PTPN3: variants seen among roughly 807,000 people sequenced by gnomAD.
The protein encoded by PTPN3 is tyrosine-protein phosphatase non-receptor type 3.
In PTPN3, 96 loss-of-function variants were observed where a neutral mutation model predicts 132.7. The ratio of observed to expected loss-of-function variants is 0.72; its 90% CI spans 0.61 to 0.86. PTPN3 has a LOEUF of 0.86. Ranked by LOEUF, PTPN3 falls within the 40% of genes least tolerant of loss-of-function variation. The pLI is 0.00. For synonymous variants in PTPN3, 398 were observed against 429.0 expected, an observed-to-expected ratio of 0.93 and a Z score of 0.89; for missense variants, 1,125 against 1,159.6, an observed-to-expected ratio of 0.97 and a Z score of 0.43.
At chr9:109,475,302 G>A (rs570997033) in intron 1 of PTPN3, among the ~76,000 whole-genome samples, 2 of 152,248 alleles carry the variant, frequency 1.3e-5, no homozygotes, top group South Asian at 4.1e-4. Context: ...ATGTGGTATT[G>A]TTCAAAACTG....
chr9:109,501,071 TA>T (rs1847859236), upstream of PTPN3, among the ~76,000 whole-genome samples: 1 of 152,230 alleles, frequency 6.6e-6, no homozygotes, highest in African/African-American at 2.4e-5. Flanking sequence ...TTTAAAAGTT[TA>T]TTAATGTCAC....
intron 19 of PTPN3, among the ~76,000 whole-genome samples, chr9:109,395,932 CTGCA>C (rs1840564742): frequency 6.8e-6 from 1 of 146,410 alleles, no homozygotes; most frequent in Non-Finnish European, 1.5e-5. Flanking sequence ...TCTCGGCTCA[CTGCA>C]ACCTCCACCT....
intron 8 of PTPN3, 101 bp downstream of exon 8, chr9:109,438,013 T>C: frequency 1.5e-6 from 2 of 1,358,812 alleles, no homozygotes. Context: ...TGAAAGAGGA[T>C]TCATGCACAA....
At chr9:109,513,950 T>C in the PTPN3 span, among the ~76,000 whole-genome samples, 126,121 of 152,048 alleles carry the variant, frequency 0.83, 52,559 homozygotes, top group South Asian at 0.94. Flanking sequence ...AGCTGGGTGT[T>C]CCACATGTAC....
chr9:109,463,552 C>T (rs3808877), intron 1 of PTPN3, 101 bp from the exon 2 acceptor site: 6 of 1,133,542 alleles, frequency 5.3e-6, no homozygotes, highest in Middle Eastern at 2.0e-4. Context: ...TACTGTCTGA[C>T]GGACTCACAG....
chr9:109,533,136 T>TTTTTTC, the PTPN3 span, among the ~76,000 whole-genome samples: 1 of 87,686 alleles, frequency 1.1e-5, no homozygotes, highest in Non-Finnish European at 2.2e-5. Context: ...ATTTTTTTTT[T>TTTTTTC]TTTTTTTTTT....
intron 22 of PTPN3, 88 bp downstream of exon 22, chr9:109,389,145 C>G (rs920020930): frequency 2.6e-6 from 4 of 1,516,920 alleles, no homozygotes; most frequent in Non-Finnish European, 3.6e-6. Context: ...CCAGGAGACG[C>G]TGAAGACCCT....
intron 5 of PTPN3, 31 bp from the exon 6 acceptor site, chr9:109,448,886 C>T (rs760004161): frequency 3.3e-6 from 5 of 1,535,096 alleles, no homozygotes; most frequent in Admixed American, 2.3e-5. Flanking sequence ...TTAATTCATA[C>T]TCAAACTGAA....
the PTPN3 span, among the ~76,000 whole-genome samples, chr9:109,523,127 T>A: frequency 6.6e-6 from 1 of 151,950 alleles, no homozygotes; most frequent in East Asian, 1.9e-4. Flanking sequence ...TTTTTTTTTT[T>A]TTTTAATGAG....
At chr9:109,403,038 A>G (rs1285802919) in intron 19 of PTPN3, among the ~76,000 whole-genome samples, 1 of 152,200 alleles carries the variant, frequency 6.6e-6, no homozygotes, top group Non-Finnish European at 1.5e-5. Context: ...AGATGGCACC[A>G]CTGCACTCCA....
chr9:109,397,955 C>T (rs553930751), intron 19 of PTPN3, among the ~76,000 whole-genome samples: 1 of 152,288 alleles, frequency 6.6e-6, no homozygotes, highest in Admixed American at 6.5e-5. Flanking sequence ...AAACAACAAA[C>T]TATTTGGAAA....
chr9:109,436,492 T>C (rs991017292), intron 9 of PTPN3, among the ~76,000 whole-genome samples: 1 of 152,188 alleles, frequency 6.6e-6, no homozygotes, highest in African/African-American at 2.4e-5. Context: ...AAAAAAACTA[T>C]CATATATGAG....
chr9:109,507,298 T>C, the PTPN3 span, among the ~76,000 whole-genome samples: 1 of 152,196 alleles, frequency 6.6e-6, no homozygotes, highest in Non-Finnish European at 1.5e-5. Context: ...AGATGGAGAA[T>C]TCCAACTGGT....
intron 2 of PTPN3, among the ~76,000 whole-genome samples, chr9:109,460,048 C>G (rs1845764796): frequency 6.6e-6 from 1 of 152,154 alleles, no homozygotes; most frequent in Non-Finnish European, 1.5e-5. Context: ...CGTACCATTC[C>G]TATACTGCTA....
intron 1 of PTPN3, among the ~76,000 whole-genome samples, chr9:109,468,106 C>T (rs1177590226): frequency 2.0e-5 from 3 of 152,036 alleles, no homozygotes; most frequent in African/African-American, 7.2e-5. Flanking sequence ...GACTAACTGC[C>T]CTGTTTCCTG....
chr9:109,391,374 C>T (rs1840074197), intron 20 of PTPN3, 97 bp downstream of exon 20: 1 of 1,370,890 alleles, frequency 7.3e-7, no homozygotes. Flanking sequence ...TTTACAGACA[C>T]ACTGAAAATC....
chr9:109,395,480 T>A (rs1403097616), intron 19 of PTPN3, among the ~76,000 whole-genome samples: 2 of 152,028 alleles, frequency 1.3e-5, no homozygotes, highest in Non-Finnish European at 2.9e-5. Context: ...ACATTTAGTT[T>A]CCTAAGTGTT....
chr9:109,422,684 G>C (rs1842962510), intron 13 of PTPN3, 34 bp downstream of exon 13: 1 of 1,534,856 alleles, frequency 6.5e-7, no homozygotes, highest in Non-Finnish European at 8.8e-7. Flanking sequence ...GTCTACTGTT[G>C]GGTAGTACAA....
Position 109,418,383 on chromosome 9 carries a change from T to TA in PTPN3, c.1313+2040dup, listed in dbSNP as rs1313340528. On this transcript the variant is annotated intron_variant, in intron 14 of 25. Transcript: ENST00000374541. ...CCCTCCCCACCTGGCACTGATTGCA[T>TA]AAAGAGACAGAGGGTGCTGGGCTGT... is the stretch of plus-strand genomic sequence containing the variant. Among the ~76,000 whole-genome samples the TA allele has an allele frequency of 3.9e-5, 6 of 152,168 alleles. No individual in the cohort carries two copies. The East Asian group carries it at 1.2e-3, about 29-fold the overall frequency.
Sources: allele counts gnomAD v4.1 joint callset (sites outside exome capture counted in the v4.1 genomes callset), GRCh38; gene constraint gnomAD v4.1.1; transcripts MANE v1.5; gene names NCBI Gene and HGNC (gene_info 2026-07-23, HGNC 2026-07-21).